The following CNTNAP2 variants were observed in gnomAD, a reference collection of about 807,000 sequenced individuals.
CNTNAP2 encodes contactin-associated protein-like 2.
A neutral mutation model predicts 155.2 loss-of-function variants in CNTNAP2; 98 were observed. That is an observed-to-expected ratio of 0.63 (90% CI 0.54 to 0.75). The LOEUF is 0.75. CNTNAP2 is among the 30% of genes least tolerant of loss of function. The probability of loss-of-function intolerance (pLI) is 0.00; values close to 1 mark genes in which losing one functional copy is unlikely to be tolerated. For missense variants in CNTNAP2, 1,727 were observed against 1,688.1 expected (o/e 1.02, Z -0.40); for synonymous variants, 651 against 631.2 (o/e 1.03, Z -0.47).
At chr7:146,239,006 G>A (rs554792485) in intron 1 of CNTNAP2, among the ~76,000 whole-genome samples, 257 of 152,244 alleles carry the variant, frequency 1.7e-3, no homozygotes, top group Middle Eastern at 6.8e-3. Context: ...ATGAGATTTT[G>A]GGTGGGGACA....
intron 21 of CNTNAP2, among the ~76,000 whole-genome samples, chr7:148,367,207 G>A (rs1798799518): frequency 6.6e-6 from 1 of 151,630 alleles, no homozygotes; most frequent in Non-Finnish European, 1.5e-5. Context: ...CTCCAGCCTG[G>A]TGACAGAACA....
chr7:147,252,316 G>A (rs1295644459), intron 8 of CNTNAP2, among the ~76,000 whole-genome samples: 2 of 152,160 alleles, frequency 1.3e-5, no homozygotes, highest in Non-Finnish European at 2.9e-5. Context: ...AGTATCATGA[G>A]AGTTTATCAG....
chr7:148,263,735 CCA>C (rs1796617153), intron 20 of CNTNAP2, among the ~76,000 whole-genome samples: 1 of 117,260 alleles, frequency 8.5e-6, no homozygotes, highest in East Asian at 2.0e-4. Context: ...AGACTCAGTC[CCA>C]AAAAAAAAAA....
intron 14 of CNTNAP2, among the ~76,000 whole-genome samples, chr7:147,945,420 G>T (rs1318996210): frequency 1.3e-5 from 2 of 152,040 alleles, no homozygotes; most frequent in Non-Finnish European, 2.9e-5. Context: ...TTTCATCTTT[G>T]TATATTCGTA....
chr7:147,417,079 A>G (rs1029069234), intron 10 of CNTNAP2, among the ~76,000 whole-genome samples: 8 of 129,580 alleles, frequency 6.2e-5, no homozygotes. Context: ...ACAGAGCAAG[A>G]CTCTGGTCTC....
At chr7:146,431,232 G>A (rs1252664341) in intron 1 of CNTNAP2, among the ~76,000 whole-genome samples, 1 of 151,856 alleles carries the variant, frequency 6.6e-6, no homozygotes, top group African/African-American at 2.4e-5. Flanking sequence ...AAACAGAAAG[G>A]CATTTATTAT....
At chr7:147,074,403 T>A (rs1226961339) in intron 4 of CNTNAP2, among the ~76,000 whole-genome samples, 1 of 152,140 alleles carries the variant, frequency 6.6e-6, no homozygotes, top group African/African-American at 2.4e-5. Flanking sequence ...TACCAATCCA[T>A]CTTTTCCTCC....
At chr7:147,568,579 G>T (rs1207894614) in intron 12 of CNTNAP2, among the ~76,000 whole-genome samples, 1 of 152,136 alleles carries the variant, frequency 6.6e-6, no homozygotes, top group Non-Finnish European at 1.5e-5. Context: ...GATAAAATGT[G>T]ATCATTGTTA....
At chr7:146,173,650 A>T (rs1283914369) in intron 1 of CNTNAP2, among the ~76,000 whole-genome samples, 1 of 152,198 alleles carries the variant, frequency 6.6e-6, no homozygotes, top group Non-Finnish European at 1.5e-5. Flanking sequence ...TTTTTGTAAT[A>T]GTTGGTATAT....
intron 2 of CNTNAP2, among the ~76,000 whole-genome samples, chr7:146,788,160 G>T (rs866564512): frequency 6.6e-6 from 1 of 152,174 alleles, no homozygotes; most frequent in Non-Finnish European, 1.5e-5. Flanking sequence ...CAGCAGGCGC[G>T]GGCTGGCCAC....
chr7:147,571,551 AC>A (rs1374370051), intron 12 of CNTNAP2, among the ~76,000 whole-genome samples: 2 of 152,150 alleles, frequency 1.3e-5, no homozygotes, highest in East Asian at 3.9e-4. Flanking sequence ...ACTGAATCTA[AC>A]AAAATCTTGT....
At chr7:148,103,754 T>C (rs755999810) in intron 15 of CNTNAP2, among the ~76,000 whole-genome samples, 21 of 152,208 alleles carry the variant, frequency 1.4e-4, no homozygotes, top group Non-Finnish European at 2.4e-4. Flanking sequence ...GCACTATTTA[T>C]TTTTATATCA....
intron 15 of CNTNAP2, among the ~76,000 whole-genome samples, chr7:148,068,437 A>C (rs1803311022): frequency 6.6e-6 from 1 of 152,132 alleles, no homozygotes; most frequent in Non-Finnish European, 1.5e-5. Context: ...TTCTCCTGTG[A>C]TCTGAATTTA....
At chr7:147,345,185 A>G (rs1333058501) in intron 9 of CNTNAP2, among the ~76,000 whole-genome samples, 1 of 152,134 alleles carries the variant, frequency 6.6e-6, no homozygotes, top group Non-Finnish European at 1.5e-5. Context: ...AAACAACTGA[A>G]AACAATGAAA....
chr7:147,688,177 C>G (rs139591961), intron 13 of CNTNAP2, among the ~76,000 whole-genome samples: 1 of 152,014 alleles, frequency 6.6e-6, no homozygotes, highest in Non-Finnish European at 1.5e-5. Context: ...TACCATTTGA[C>G]GCATTCCTGG....
intron 18 of CNTNAP2, among the ~76,000 whole-genome samples, chr7:148,205,266 G>A (rs1034388270): frequency 2.0e-5 from 3 of 152,226 alleles, no homozygotes; most frequent in Non-Finnish European, 4.4e-5. Flanking sequence ...CAGAAAGGGT[G>A]GAAACACCCT....
chr7:146,577,467 C>A (rs1451189514), intron 1 of CNTNAP2, among the ~76,000 whole-genome samples: 2 of 152,028 alleles, frequency 1.3e-5, no homozygotes, highest in Middle Eastern at 3.2e-3. Context: ...TAATAATTAT[C>A]AAGAATCCAA....
intron 1 of CNTNAP2, among the ~76,000 whole-genome samples, chr7:146,227,015 G>T (rs1264196555): frequency 6.6e-6 from 1 of 152,096 alleles, no homozygotes; most frequent in Non-Finnish European, 1.5e-5. Flanking sequence ...AAAAGGCAGA[G>T]AATACAACTA....
chr7:146,976,639 C>T (rs1797917201), intron 3 of CNTNAP2, among the ~76,000 whole-genome samples: 1 of 152,060 alleles, frequency 6.6e-6, no homozygotes, highest in Admixed American at 6.5e-5. Context: ...GGGACATCAC[C>T]CTCTAGGAAC....
Sources: gnomAD v4.1 joint callset for allele counts (sites outside exome capture counted in the v4.1 genomes callset) on GRCh38, gnomAD v4.1.1 for gene constraint, MANE v1.5 for transcripts, NCBI Gene and HGNC (gene_info 2026-07-23, HGNC 2026-07-21) for gene names.